Variants in DAG1 observed in about 807,000 individuals in gnomAD.
DAG1 encodes dystroglycan 1, also known as dystroglycan 1 (dystrophin-associated glycoprotein 1).
In DAG1, 8 loss-of-function variants were observed where a neutral mutation model predicts 46.1. That is an observed-to-expected ratio of 0.17 (90% CI 0.10 to 0.31). DAG1 has a LOEUF of 0.31. Ranked by LOEUF, DAG1 falls within the 10% of genes least tolerant of loss-of-function variation. The probability of loss-of-function intolerance (pLI) is 1.00; values close to 1 mark genes in which losing one functional copy is unlikely to be tolerated. For missense variants in DAG1, 1,003 were observed against 1,189.9 expected, an observed-to-expected ratio of 0.84 and a Z score of 2.31; for synonymous variants, 495 against 481.8, an observed-to-expected ratio of 1.03 and a Z score of -0.36.
In DAG1 at chr3:49,532,335, C is replaced by T. The variant is rs1222189989; in HGVS notation, c.1824C>T (p.Phe608=). The change falls in exon 3 of 3, where the codon TTC becomes TTT. Residue 608 remains phenylalanine (F), a synonymous_variant. Transcript: ENST00000308775. The surrounding 1 kb of genome is among the most constrained non-coding windows in gnomAD (Gnocchi z 5.4). ...RPQGDRAPAR[F]KAKFVGDPAL... is the part of the protein sequence containing the mutation. ...AAGGGGATAGGGCTCCTGCAAGGTT[C>T]AAGGCCAAGTTTGTGGGTGACCCGG... 1.2e-6 allele frequency: 2 copies of T among 1,614,038 alleles called. No individual in the cohort carries two copies. The highest frequency in any genetic ancestry group is 1.1e-5 in the South Asian group (1 of 91,096).
intron 1 of DAG1, among the ~76,000 whole-genome samples, chr3:49,504,761 A>ATTTTTTTTTTTTTTT (rs57684297): frequency 1.7e-4 from 15 of 89,900 alleles, no homozygotes; most frequent in Non-Finnish European, 1.9e-4. Flanking sequence ...CGCCCAGCTA[A>ATTTTTTTTTTTTTTT]TTTTTTTTTT....
At chr3:49,515,431 G>T (rs1223018582) in intron 2 of DAG1, among the ~76,000 whole-genome samples, 1 of 143,302 alleles carries the variant, frequency 7.0e-6, no homozygotes, top group Non-Finnish European at 1.5e-5. Flanking sequence ...CTGTTGCCCA[G>T]GCTGGAGTGC....
In DAG1 at chr3:49,533,090, C is replaced by T. The variant is rs1192529932; in HGVS notation, c.2579C>T (p.Ala860Val). 7 of 1,614,010 alleles carry T rather than the reference C, an allele frequency of 4.3e-6. No homozygotes were observed. The highest frequency in any genetic ancestry group is 5.1e-6 in the Non-Finnish European group (6 of 1,180,024). ...YTPLRDEDPN[A>V]PPYQPPPPFT... ...CCCCTGCGGGATGAGGATCCCAATG[C>T]GCCTCCCTACCAGCCCCCACCGCCC... is the stretch of plus-strand genomic sequence containing the variant. Residue 860 changes from alanine to valine, a missense_variant, in exon 3 of 3, where the codon GCG becomes GTG. Transcript: ENST00000308775.
chr3:49,501,043 T>C (rs1342684686), intron 1 of DAG1, among the ~76,000 whole-genome samples: 1 of 152,188 alleles, frequency 6.6e-6, no homozygotes, highest in Admixed American at 6.5e-5. Flanking sequence ...GGTGTTTTAT[T>C]ACCAAGTTGC....
At chr3:49,527,046 G>A (rs1474123399) in intron 2 of DAG1, among the ~76,000 whole-genome samples, 1 of 152,204 alleles carries the variant, frequency 6.6e-6, no homozygotes, top group Non-Finnish European at 1.5e-5. Flanking sequence ...TAGGAAGTGA[G>A]CCAGGCTGGG....
rs1327530993 is a variant in DAG1, at chr3:49,535,240, TA to T, written c.*2044del. On this transcript the variant is annotated 3_prime_UTR_variant, in exon 3 of 3. Coordinates refer to ENST00000308775, the MANE Select transcript of DAG1 (RefSeq NM_004393.6). ...TATTTCTGATGACCTCATCAAAAAA[TA>T]AACAATTCCCAATGTTCCAGGTGAG... 6.6e-6 allele frequency: 1 copy of T among 152,482 alleles called. No individual in the cohort carries two copies. The highest frequency in any genetic ancestry group is 1.5e-5 in the Non-Finnish European group (1 of 68,030). 9.4% of individuals were successfully genotyped at this position (152,482 alleles called of 1,614,324 possible). A position where few individuals can be genotyped will look rare whatever the true frequency, so the allele number is the denominator to read the frequency against.
intron 1 of DAG1, among the ~76,000 whole-genome samples, chr3:49,485,477 C>G (rs1367199344): frequency 1.3e-5 from 2 of 152,156 alleles, no homozygotes; most frequent in Non-Finnish European, 2.9e-5. Context: ...AAGCCTTTCT[C>G]TAGTACTGGG....
intron 1 of DAG1, 185 bp from the exon 2 acceptor site, chr3:49,510,234 G>T: frequency 1.9e-6 from 1 of 519,814 alleles, no homozygotes; most frequent in Non-Finnish European, 3.4e-6. Flanking sequence ...TATATTTAAT[G>T]GATCAGCTAC....
At chr3:49,483,862 G>A (rs2049947959) in intron 1 of DAG1, among the ~76,000 whole-genome samples, 2 of 151,686 alleles carry the variant, frequency 1.3e-5, no homozygotes, top group Admixed American at 6.6e-5. Context: ...TTTTTGTAGC[G>A]ATGTGGTCTT....
chr3:49,471,697 A>C (rs928758403), intron 1 of DAG1, among the ~76,000 whole-genome samples: 3 of 152,234 alleles, frequency 2.0e-5, no homozygotes, highest in Admixed American at 6.5e-5. Context: ...GCACAGTGCA[A>C]ATCCTCACTG....
chr3:49,476,826 A>G (rs1575336033), intron 1 of DAG1: 1 of 151,994 alleles, frequency 6.6e-6, no homozygotes, highest in East Asian at 1.9e-4. Context: ...ATTCACCAAT[A>G]TTGTTTCCTC....
chr3:49,515,388 G>T (rs372041063), intron 2 of DAG1, among the ~76,000 whole-genome samples: 44 of 130,208 alleles, frequency 3.4e-4, no homozygotes, highest in African/African-American at 4.9e-4. Flanking sequence ...TTCTTGTGTT[G>T]TTTTTTTTTT....
chr3:49,491,791 G>A (rs549378930), intron 1 of DAG1, among the ~76,000 whole-genome samples: 1 of 151,606 alleles, frequency 6.6e-6, no homozygotes, highest in South Asian at 2.1e-4. Context: ...TGCTATTTTT[G>A]TATTTTTAGT....
At chr3:49,506,609 CTGAT>C (rs1405691072) in intron 1 of DAG1, among the ~76,000 whole-genome samples, 1 of 151,998 alleles carries the variant, frequency 6.6e-6, no homozygotes, top group Non-Finnish European at 1.5e-5. Flanking sequence ...AAATATTGAG[CTGAT>C]TAATTTTCAA....
At chr3:49,508,679 C>T (rs997738044) in intron 1 of DAG1, among the ~76,000 whole-genome samples, 1 of 152,234 alleles carries the variant, frequency 6.6e-6, no homozygotes, top group Admixed American at 6.5e-5. Context: ...GGGTTACAGG[C>T]GTGAGCCACC....
intron 1 of DAG1, among the ~76,000 whole-genome samples, chr3:49,498,884 C>G (rs1194473718): frequency 6.6e-6 from 1 of 151,924 alleles, no homozygotes; most frequent in African/African-American, 2.4e-5. Context: ...GAACTTTGTA[C>G]TTTTTTGTAG....
At chr3:49,524,080 G>C (rs2051106000) in intron 2 of DAG1, among the ~76,000 whole-genome samples, 1 of 152,224 alleles carries the variant, frequency 6.6e-6, no homozygotes, top group Admixed American at 6.5e-5. Flanking sequence ...TGAAAGCTGA[G>C]GAGGTATCCA....
At position 49,533,294 on chromosome 3, in the gene DAG1, C is replaced by T. The variant is rs548139152; in HGVS notation, c.*95C>T. 6.4e-7 allele frequency: 1 copy of T among 1,554,160 alleles called. No individual in the cohort carries two copies. The highest frequency in any genetic ancestry group is 1.2e-5 in the South Asian group (1 of 86,472). On this transcript the variant is annotated 3_prime_UTR_variant, in exon 3 of 3. Coordinates refer to ENST00000308775, the MANE Select transcript of DAG1 (RefSeq NM_004393.6). ...CCGGTGGCCTGCAGACCATTGCCCACCGGGAGCCGACACCTGACCTAGCAC... is the reference window on the plus strand; with the variant it reads ...CCGGTGGCCTGCAGACCATTGCCCATCGGGAGCCGACACCTGACCTAGCAC...
chr3:49,488,389 A>G (rs560288854), intron 1 of DAG1, among the ~76,000 whole-genome samples: 9 of 152,228 alleles, frequency 5.9e-5, no homozygotes, highest in Non-Finnish European at 1.3e-4. Context: ...CAATGTACAT[A>G]TCCTTTGACC....
Sources: gnomAD v4.1 joint callset for allele counts (sites outside exome capture counted in the v4.1 genomes callset) on GRCh38, gnomAD v4.1.1 for gene constraint, Gnocchi (gnomAD v3.1) non-coding constraint, MANE v1.5 for transcripts, NCBI Gene and HGNC (gene_info 2026-07-23, HGNC 2026-07-21) for gene names.